Variants in MID1 observed in about 807,000 individuals in gnomAD.
The protein encoded by MID1 is midline 1, also known as E3 ubiquitin-protein ligase Midline-1.
In MID1, 7 loss-of-function variants were observed where a neutral mutation model predicts 40.4. That is an observed-to-expected ratio of 0.17 (90% CI 0.10 to 0.33). The LOEUF (loss-of-function observed/expected upper bound fraction) is 0.33, where lower values mean the gene tolerates loss of function less well. Among genes scored for constraint, MID1 ranks in the 10% least tolerant of loss-of-function variants. The probability of loss-of-function intolerance (pLI) is 1.00; values close to 1 mark genes in which losing one functional copy is unlikely to be tolerated. For synonymous variants in MID1, 229 were observed against 221.2 expected (o/e 1.04, Z -0.31); for missense variants, 367 against 558.5 (o/e 0.66, Z 3.46).
intron 1 of MID1, among the ~76,000 whole-genome samples, chrX:10,788,012 A>C (rs1187808307): frequency 9.0e-6 from 1 of 111,214 alleles, no homozygotes. Context: ...GGAAACTGAA[A>C]TTCAGGCATG....
intron 2 of MID1, among the ~76,000 whole-genome samples, chrX:10,524,114 T>C (rs1446322349): frequency 8.9e-6 from 1 of 112,164 alleles, no homozygotes; most frequent in South Asian, 3.7e-4. Flanking sequence ...TCAAATTTCT[T>C]TGAACACTGT....
chrX:10,613,732 T>TATATATATATATATATATAGAG (rs1482081086), intron 1 of MID1, among the ~76,000 whole-genome samples: 3 of 17,482 alleles, frequency 1.7e-4, no homozygotes, highest in Non-Finnish European at 2.2e-4. Flanking sequence ...TATATATATA[T>TATATATATATATATATATAGAG]AGAGAGAGAG....
At chrX:10,764,506 A>G (rs2043706229) in intron 1 of MID1, among the ~76,000 whole-genome samples, 1 of 111,913 alleles carries the variant, frequency 8.9e-6, no homozygotes, top group Non-Finnish European at 1.9e-5. Context: ...ATATGTTCCT[A>G]ATATAATATT....
At chrX:10,793,178 A>G (rs2043945014) in intron 1 of MID1, among the ~76,000 whole-genome samples, 1 of 112,806 alleles carries the variant, frequency 8.9e-6, no homozygotes, top group South Asian at 3.6e-4. Context: ...GAAAGTAGTC[A>G]TGGACACCTG....
intron 1 of MID1, among the ~76,000 whole-genome samples, chrX:10,762,379 G>A (rs1338908021): frequency 9.0e-6 from 1 of 111,565 alleles, no homozygotes; most frequent in Non-Finnish European, 1.9e-5. Flanking sequence ...GACCCACTGA[G>A]CTATTTATAC....
chrX:10,746,914 C>T (rs985014897), intron 1 of MID1, among the ~76,000 whole-genome samples: 2 of 110,270 alleles, frequency 1.8e-5, no homozygotes, highest in Admixed American at 9.7e-5. Flanking sequence ...ATGAGAATTC[C>T]GATACCTACA....
intron 1 of MID1, among the ~76,000 whole-genome samples, chrX:10,680,859 C>G (rs201971436): frequency 9.2e-6 from 1 of 108,413 alleles, no homozygotes; most frequent in Non-Finnish European, 1.9e-5. Context: ...GGTGAAACCC[C>G]GTCACTACCA....
chrX:10,574,246 G>C (rs1472204524), intron 1 of MID1, among the ~76,000 whole-genome samples: 1 of 111,385 alleles, frequency 9.0e-6, no homozygotes, highest in African/African-American at 3.3e-5. Context: ...GAGTCAGAAT[G>C]ATGAGATATG....
chrX:10,592,649 G>T lies in MID1; in HGVS notation c.-56-25046C>A, dbSNP rs4830719. Among the ~76,000 whole-genome samples, 343 of 110,094 alleles carry T rather than the reference G, an allele frequency of 3.1e-3. 4 individuals are homozygous for T. The highest frequency in any genetic ancestry group is 0.029 in the Admixed American group (298 of 10,287). ...ATATATATATACATGTATATATATA[G>T]AGAGAGTAATAATTAAATTCCAAAA... On this transcript the variant is annotated intron_variant, in intron 1 of 9. Transcript: ENST00000317552.
intron 1 of MID1, among the ~76,000 whole-genome samples, chrX:10,751,132 G>T (rs1853268908): frequency 9.1e-6 from 1 of 109,603 alleles, no homozygotes; most frequent in Non-Finnish European, 1.9e-5. Flanking sequence ...GGGCGTGTTG[G>T]CGCACCCCAG....
chrX:10,716,210 T>C (rs1045723954), intron 1 of MID1, among the ~76,000 whole-genome samples: 4 of 111,590 alleles, frequency 3.6e-5, no homozygotes, highest in African/African-American at 1.3e-4. Flanking sequence ...TTTTGACGAG[T>C]TGAGAGAAGA....
chrX:10,687,060 G>A (rs904736344), intron 1 of MID1, among the ~76,000 whole-genome samples: 15 of 111,365 alleles, frequency 1.3e-4, no homozygotes, highest in African/African-American at 2.0e-4. Flanking sequence ...GGAATTGCCC[G>A]TCTAATATCC....
chrX:10,544,078 G>A (rs983014052), intron 2 of MID1, among the ~76,000 whole-genome samples: 2 of 111,739 alleles, frequency 1.8e-5, no homozygotes, highest in Non-Finnish European at 3.8e-5. Flanking sequence ...TGCCAGCGCT[G>A]GAACTCCAAA....
At chrX:10,471,910 G>C (rs915759953) in intron 6 of MID1, among the ~76,000 whole-genome samples, 1 of 111,634 alleles carries the variant, frequency 9.0e-6, no homozygotes, top group South Asian at 3.8e-4. Context: ...TCACCTCTAT[G>C]GGTTATTAAC....
intron 1 of MID1, among the ~76,000 whole-genome samples, chrX:10,779,298 A>G (rs1321469372): frequency 2.7e-5 from 3 of 111,697 alleles, no homozygotes; most frequent in Admixed American, 9.5e-5. Context: ...CTCTCACCTC[A>G]GCTTCCCGAG....
intron 1 of MID1, among the ~76,000 whole-genome samples, chrX:10,586,457 G>A (rs1045266717): frequency 9.0e-6 from 1 of 111,460 alleles, no homozygotes; most frequent in Non-Finnish European, 1.9e-5. Context: ...TGGAGGTTGG[G>A]CCCACTAGAA....
intron 2 of MID1, among the ~76,000 whole-genome samples, chrX:10,533,327 G>GAAAGGAAAGAAA (rs1491431073): frequency 8.4e-5 from 4 of 47,799 alleles, no homozygotes; most frequent in African/African-American, 3.5e-4. Context: ...AAGAAAGAAA[G>GAAAGGAAAGAAA]GAAAGAAAGA....
At position 10,790,134 on chromosome X, in the gene MID1, C is replaced by T. The variant is rs747321300; in HGVS notation, c.-187+43420G>A. ...ACCTAAATATCACACCCTAAAAAGG[C>T]TTTTCTTAACTTCCCATTTCCTTTC... On this transcript the variant is annotated intron_variant, in intron 1 of 10. Transcript: ENST00000380785. Among the ~76,000 whole-genome samples the T allele has an allele frequency of 2.7e-5, 3 of 110,270 alleles. No homozygotes were observed. In the South Asian group the frequency reaches 1.2e-3, roughly 43 times the overall value.
chrX:10,829,141 G>T (rs1424680324), intron 1 of MID1, among the ~76,000 whole-genome samples: 1 of 112,194 alleles, frequency 8.9e-6, no homozygotes, highest in Non-Finnish European at 1.9e-5. Context: ...GGCAATACAT[G>T]ATGAGTGTGT....
Sources: allele counts gnomAD v4.1 joint callset (sites outside exome capture counted in the v4.1 genomes callset), GRCh38; gene constraint gnomAD v4.1.1; transcripts MANE v1.5; gene names NCBI Gene and HGNC (gene_info 2026-07-23, HGNC 2026-07-21).